Variants in CFAP61 observed in about 807,000 individuals in gnomAD.
CFAP61 encodes the protein cilia- and flagella-associated protein 61.
A neutral mutation model predicts 135.6 loss-of-function variants in CFAP61; 107 were observed. The ratio of observed to expected loss-of-function variants is 0.79; its 90% CI spans 0.67 to 0.93. The LOEUF (loss-of-function observed/expected upper bound fraction) is 0.93, where lower values mean the gene tolerates loss of function less well. CFAP61 is among the 40% of genes least tolerant of loss of function. The pLI is 0.00. For missense variants in CFAP61, 1,507 were observed against 1,556.2 expected (o/e 0.97, Z 0.53); for synonymous variants, 575 against 578.5 (o/e 0.99, Z 0.09).
intron 13 of CFAP61, among the ~76,000 whole-genome samples, chr20:20,177,684 G>A (rs1219510841): frequency 6.6e-6 from 1 of 150,622 alleles, no homozygotes. Flanking sequence ...CGGGGGGCCT[G>A]CATTCTAGAT....
chr20:20,165,710 G>A (rs1438002425), intron 11 of CFAP61, among the ~76,000 whole-genome samples: 1 of 152,148 alleles, frequency 6.6e-6, no homozygotes, highest in East Asian at 1.9e-4. Context: ...AGATGAGCAA[G>A]AATAGCTGGA....
At chr20:20,215,491 G>A (rs1464462405) in intron 17 of CFAP61, among the ~76,000 whole-genome samples, 1 of 152,194 alleles carries the variant, frequency 6.6e-6, no homozygotes, top group Non-Finnish European at 1.5e-5. Flanking sequence ...CATGCCATGG[G>A]GAGAGTATTT....
chr20:20,321,310 C>A (rs1205172019), intron 25 of CFAP61, among the ~76,000 whole-genome samples: 1 of 152,096 alleles, frequency 6.6e-6, no homozygotes, highest in Non-Finnish European at 1.5e-5. Flanking sequence ...GTAGGAGGAG[C>A]TAGCAATGAC....
chr20:20,247,688 C>CTT (rs2050572108), intron 19 of CFAP61, among the ~76,000 whole-genome samples: 2 of 152,206 alleles, frequency 1.3e-5, no homozygotes, highest in African/African-American at 4.8e-5. Flanking sequence ...AGCCTAAACT[C>CTT]TGTCTCCATC....
Position 20,079,845 on chromosome 20 carries a change from T to A in CFAP61, c.566+4230T>A, listed in dbSNP as rs2146589264. ...ATGGAATTTTGTGTATGAAATGACA[T>A]TTTTAATTGGTTCTCTCATGTCTTT... On this transcript the variant is annotated intron_variant, in intron 6 of 26. Transcript: ENST00000245957. 1.3e-5 allele frequency among the ~76,000 whole-genome samples: 2 copies of A among 152,340 alleles called. 1 individual carries two copies. Among genetic ancestry groups the A allele is most frequent in the South Asian group, 4.1e-4 (2 of 4,826 alleles).
At chr20:20,159,207 C>A (rs1011917138) in intron 9 of CFAP61, among the ~76,000 whole-genome samples, 163 bp from the exon 10 acceptor site, 1 of 152,184 alleles carries the variant, frequency 6.6e-6, no homozygotes, top group Non-Finnish European at 1.5e-5. Context: ...TTCTCATCCC[C>A]TTTTCACAGA....
At chr20:20,102,842 A>G (rs1286047663) in intron 8 of CFAP61, among the ~76,000 whole-genome samples, 1 of 152,102 alleles carries the variant, frequency 6.6e-6, no homozygotes, top group Admixed American at 6.5e-5. Context: ...AAAACTTGCA[A>G]TTTCACACCA....
At chr20:20,308,546 C>T (rs2056619012) in intron 25 of CFAP61, among the ~76,000 whole-genome samples, 1 of 152,108 alleles carries the variant, frequency 6.6e-6, no homozygotes, top group Non-Finnish European at 1.5e-5. Context: ...CTCGGCCTTG[C>T]TGGGTGAGAT....
chr20:20,270,877 G>T (rs1385022566), intron 21 of CFAP61, among the ~76,000 whole-genome samples: 2 of 152,066 alleles, frequency 1.3e-5, no homozygotes, highest in African/African-American at 4.8e-5. Context: ...TCACCATTTT[G>T]GTCAGGCTGG....
intron 25 of CFAP61, among the ~76,000 whole-genome samples, chr20:20,320,892 A>G (rs2057479252): frequency 6.6e-6 from 1 of 151,572 alleles, no homozygotes; most frequent in East Asian, 1.9e-4. Context: ...GAGAGGAGGG[A>G]GGGGTCCTGG....
intron 25 of CFAP61, among the ~76,000 whole-genome samples, chr20:20,315,680 T>G (rs2057086929): frequency 6.6e-6 from 1 of 152,148 alleles, no homozygotes; most frequent in Non-Finnish European, 1.5e-5. Context: ...GGTCTAACGT[T>G]TAAGTCTTTA....
At chr20:20,103,404 G>T (rs923838327) in intron 8 of CFAP61, among the ~76,000 whole-genome samples, 10 of 152,102 alleles carry the variant, frequency 6.6e-5, no homozygotes, top group Non-Finnish European at 1.5e-4. Flanking sequence ...AATGGGAATA[G>T]GTTCTAAGGA....
chr20:20,317,711 C>G lies in CFAP61; in HGVS notation c.3422+19325C>G, dbSNP rs765038890. On this transcript the variant is annotated intron_variant, in intron 25 of 26. Transcript: ENST00000245957. ...AGCTGCTGGGGCACTGTCTGCCAGG[C>G]CAGGATACGTGCTGAAGGCTCTGAG... Among the ~76,000 whole-genome samples the G allele has an allele frequency of 3.3e-5, 5 of 152,104 alleles. No homozygotes were observed. In the South Asian group the frequency reaches 1.0e-3, roughly 32 times the overall value.
intron 13 of CFAP61, among the ~76,000 whole-genome samples, chr20:20,170,068 T>G (rs995216448): frequency 6.6e-6 from 1 of 152,066 alleles, no homozygotes; most frequent in African/African-American, 2.4e-5. Flanking sequence ...ACACACAGAG[T>G]GTAAAACTGC....
intron 18 of CFAP61, among the ~76,000 whole-genome samples, chr20:20,235,125 C>T (rs937084586): frequency 2.0e-5 from 3 of 152,116 alleles, no homozygotes; most frequent in African/African-American, 7.2e-5. Flanking sequence ...TGCTTCCCAC[C>T]CGCAGCTGCA....
At chr20:20,094,472 G>C (rs963814863) in intron 7 of CFAP61, 3 of 152,190 alleles carry the variant, frequency 2.0e-5, no homozygotes, top group African/African-American at 7.2e-5. Context: ...TTAATTATTT[G>C]GTTCCAAGGT....
intron 20 of CFAP61, among the ~76,000 whole-genome samples, chr20:20,255,987 A>G (rs959488314): frequency 9.2e-5 from 14 of 152,272 alleles, no homozygotes; most frequent in Admixed American, 5.9e-4. Context: ...CCACGTGAGA[A>G]GTTCTGATGC....
chr20:20,183,843 T>C (rs1363402543), intron 13 of CFAP61, among the ~76,000 whole-genome samples: 1 of 152,156 alleles, frequency 6.6e-6, no homozygotes, highest in East Asian at 1.9e-4. Flanking sequence ...GACAGTGTCA[T>C]TTTAGAGGAG....
intron 14 of CFAP61, 47 bp downstream of exon 14, chr20:20,188,103 T>A: frequency 6.2e-7 from 1 of 1,605,742 alleles, no homozygotes; most frequent in Non-Finnish European, 8.5e-7. Context: ...ACCATTATGA[T>A]GACCCATGTA....
Sources: allele counts gnomAD v4.1 joint callset (sites outside exome capture counted in the v4.1 genomes callset), GRCh38; gene constraint gnomAD v4.1.1; transcripts MANE v1.5; gene names NCBI Gene and HGNC (gene_info 2026-07-23, HGNC 2026-07-21).